ZNF804B: variants seen among roughly 807,000 people sequenced by gnomAD.
ZNF804B encodes zinc finger protein 804B.
ZNF804B carries 80 observed loss-of-function variants against 101.4 expected under a neutral mutation model. That is an observed-to-expected ratio of 0.79 (90% CI 0.66 to 0.95). The LOEUF (loss-of-function observed/expected upper bound fraction) is 0.95, where lower values mean the gene tolerates loss of function less well. Ranked by LOEUF, ZNF804B falls within the 40% of genes least tolerant of loss-of-function variation. ZNF804B has a pLI of 0.00. For synonymous variants in ZNF804B, 622 were observed against 558.8 expected (o/e 1.11, Z -1.59); for missense variants, 1,673 against 1,561.9 (o/e 1.07, Z -1.20).
chr7:89,228,827 G>C (rs537713523), intron 2 of ZNF804B, among the ~76,000 whole-genome samples: 1 of 152,162 alleles, frequency 6.6e-6, no homozygotes, highest in African/African-American at 2.4e-5. Flanking sequence ...GGTGGCACTC[G>C]TTGGGGAGGC....
rs1408689393 is a variant in ZNF804B at position 89,161,514 on chromosome 7, T to C, written c.109-56641T>C. On this transcript the variant is annotated intron_variant, in intron 1 of 3. Coordinates refer to ENST00000333190, the MANE Select transcript of ZNF804B (RefSeq NM_181646.5). The stretch of plus-strand genomic sequence containing the variant: ...AAAGTGGAATATATACTGTAGACTA[T>C]TGAGATCATGTCACCCAGGTAATGT... Among the ~76,000 whole-genome samples, 4 of 152,086 alleles carry C rather than the reference T, an allele frequency of 2.6e-5. No individual in the cohort carries two copies. The East Asian group carries it at 5.8e-4, about 22-fold the overall frequency.
chr7:88,843,865 A>T (rs1020991454), intron 1 of ZNF804B, among the ~76,000 whole-genome samples: 7 of 152,206 alleles, frequency 4.6e-5, no homozygotes, highest in Admixed American at 3.9e-4. Flanking sequence ...ATGCAAAAAG[A>T]TCCCTATTGA....
intron 1 of ZNF804B, among the ~76,000 whole-genome samples, chr7:89,025,678 C>T (rs1004876010): frequency 1.2e-4 from 18 of 152,082 alleles, no homozygotes; most frequent in Admixed American, 3.3e-4. Context: ...ACTTCTCTTC[C>T]TCTCCCATCT....
chr7:89,314,957 C>T (rs976617579), intron 2 of ZNF804B, among the ~76,000 whole-genome samples: 3 of 152,116 alleles, frequency 2.0e-5, no homozygotes, highest in Admixed American at 6.5e-5. Flanking sequence ...GTGTATTAGT[C>T]CATCTTGCAT....
At chr7:88,912,625 A>G (rs1261753545) in intron 1 of ZNF804B, among the ~76,000 whole-genome samples, 1 of 152,092 alleles carries the variant, frequency 6.6e-6, no homozygotes, top group African/African-American at 2.4e-5. Context: ...TCCAAAGTTT[A>G]TGTTTTCCAT....
At chr7:88,891,885 C>G (rs1183385140) in intron 1 of ZNF804B, among the ~76,000 whole-genome samples, 1 of 152,084 alleles carries the variant, frequency 6.6e-6, no homozygotes. Flanking sequence ...TCCCCTACCC[C>G]ACGACAGGCC....
At chr7:89,161,120 A>C (rs116016225) in intron 1 of ZNF804B, among the ~76,000 whole-genome samples, 5,248 of 152,118 alleles carry the variant, frequency 0.034, 179 homozygotes, top group South Asian at 0.082. Flanking sequence ...AGAGATCTCT[A>C]TCTGAGAACT....
At chr7:89,276,045 A>T (rs1178950733) in intron 2 of ZNF804B, among the ~76,000 whole-genome samples, 1 of 151,918 alleles carries the variant, frequency 6.6e-6, no homozygotes, top group African/African-American at 2.4e-5. Context: ...GGAAGCCATT[A>T]TCCTTAGCAA....
At chr7:89,078,890 T>A (rs2116309674) in intron 1 of ZNF804B, among the ~76,000 whole-genome samples, 1 of 152,186 alleles carries the variant, frequency 6.6e-6, no homozygotes, top group South Asian at 2.1e-4. Context: ...TATAAAGGCC[T>A]ACTTTATTCA....
intron 1 of ZNF804B, among the ~76,000 whole-genome samples, chr7:89,102,596 G>A (rs1028651693): frequency 5.3e-5 from 8 of 151,642 alleles, no homozygotes; most frequent in African/African-American, 1.9e-4. Context: ...CTTTGTCAGA[G>A]GTATAATTTG....
At chr7:89,273,852 C>T (rs767502881) in intron 2 of ZNF804B, among the ~76,000 whole-genome samples, 6 of 152,068 alleles carry the variant, frequency 3.9e-5, no homozygotes, top group Admixed American at 1.3e-4. Flanking sequence ...CTCTAAATAA[C>T]GATAAAATGA....
At chr7:89,320,772 G>A (rs555336729) in intron 2 of ZNF804B, among the ~76,000 whole-genome samples, 3 of 151,840 alleles carry the variant, frequency 2.0e-5, no homozygotes, top group Middle Eastern at 3.2e-3. Context: ...CAACCAAGGG[G>A]ATAAAAAAGA....
chr7:89,252,443 A>G lies in ZNF804B; in HGVS notation c.249+34148A>G, dbSNP rs1193580133. 2.6e-5 allele frequency among the ~76,000 whole-genome samples: 4 copies of G among 152,274 alleles called. No individual in the cohort carries two copies. The East Asian group carries it at 7.7e-4, about 29-fold the overall frequency. On this transcript the variant is annotated intron_variant, in intron 2 of 3. Coordinates refer to ENST00000333190, the MANE Select transcript of ZNF804B (RefSeq NM_181646.5). ...AATGCATATACAGTGTTGGAACATA[A>G]ATTAGTTCAACTACAGTGGAAAGAA...
intron 1 of ZNF804B, among the ~76,000 whole-genome samples, chr7:88,990,335 CT>C (rs1448133829): frequency 6.6e-6 from 1 of 151,746 alleles, no homozygotes; most frequent in Non-Finnish European, 1.5e-5. Flanking sequence ...GGATTGTATC[CT>C]TTTCCAAATT....
chr7:88,982,843 C>T (rs567024253), intron 1 of ZNF804B, among the ~76,000 whole-genome samples: 1 of 152,132 alleles, frequency 6.6e-6, no homozygotes, highest in South Asian at 2.1e-4. Flanking sequence ...ACCTTCATCA[C>T]TCTTACTACC....
intron 1 of ZNF804B, among the ~76,000 whole-genome samples, chr7:89,087,507 A>T (rs1055811222): frequency 6.6e-6 from 1 of 152,002 alleles, no homozygotes; most frequent in African/African-American, 2.4e-5. Flanking sequence ...CTAAGTAAAT[A>T]TTACAGTTAT....
chr7:89,214,747 C>A (rs1253976810), intron 1 of ZNF804B, among the ~76,000 whole-genome samples: 2 of 152,144 alleles, frequency 1.3e-5, no homozygotes, highest in South Asian at 2.1e-4. Context: ...ACATGTAATT[C>A]TTTCCCATTA....
intron 2 of ZNF804B, among the ~76,000 whole-genome samples, chr7:89,262,140 A>G (rs1177704358): frequency 2.0e-5 from 3 of 152,152 alleles, no homozygotes; most frequent in Non-Finnish European, 2.9e-5. Context: ...CCCCTTTTTC[A>G]ACTTCGTTGA....
chr7:89,252,388 T>A (rs188071439), intron 2 of ZNF804B, among the ~76,000 whole-genome samples: 366 of 151,948 alleles, frequency 2.4e-3, no homozygotes, highest in Non-Finnish European at 3.9e-3. Flanking sequence ...CAGAAAACAG[T>A]AGATGCTTGA....
Sources: allele counts gnomAD v4.1 joint callset (sites outside exome capture counted in the v4.1 genomes callset), GRCh38; gene constraint gnomAD v4.1.1; transcripts MANE v1.5; gene names NCBI Gene and HGNC (gene_info 2026-07-23, HGNC 2026-07-21).